The following IFI44L variants were observed in gnomAD, a reference collection of about 807,000 sequenced individuals.
The protein encoded by IFI44L is interferon-induced protein 44-like.
IFI44L carries 40 observed loss-of-function variants against 39.3 expected under a neutral mutation model. The observed-to-expected ratio is 1.02, with a 90% CI of 0.79 to 1.33. The LOEUF is 1.33. Among genes scored for constraint, IFI44L ranks in the 40% most tolerant of loss-of-function variants. The pLI is 0.00. For missense variants in IFI44L, 623 were observed against 549.0 expected, an observed-to-expected ratio of 1.13 and a Z score of -1.35; for synonymous variants, 198 against 182.3, an observed-to-expected ratio of 1.09 and a Z score of -0.69.
intron 1 of IFI44L, chr1:78,625,686 C>T (rs1478241301): frequency 6.6e-6 from 1 of 151,816 alleles, no homozygotes; most frequent in African/African-American, 2.4e-5. Flanking sequence ...TTTCTACTTA[C>T]TTTGAGTTTA....
At position 78,629,825 on chromosome 1, in the gene IFI44L, C is replaced by A. The variant is rs752057602; in HGVS notation, c.633C>A (p.Ser211=). Residue 211 remains serine (S), a synonymous_variant, in exon 4 of 9, where the codon TCC becomes TCA. Transcript: ENST00000370751. ...TGGGTCCAGTTGGGTCTGGAAAGTC[C>A]AGTTTTTTCAATTCAGTCAAGTCTA... is the stretch of plus-strand genomic sequence containing the variant. ...LLVGPVGSGK[S]SFFNSVKSIF... The A allele has an allele frequency of 6.2e-7, 1 of 1,613,712 alleles. No homozygotes were observed. Among genetic ancestry groups the A allele is most frequent in the Non-Finnish European group, 8.5e-7 (1 of 1,179,826 alleles).
intron 4 of IFI44L, 192 bp downstream of exon 4, chr1:78,630,107 T>C: frequency 3.4e-6 from 2 of 579,826 alleles, no homozygotes; most frequent in Non-Finnish European, 6.2e-6. Context: ...ATTTTATGGA[T>C]GGAAGAAGCA....
chr1:78,628,581 G>C, intron 2 of IFI44L, 188 bp downstream of exon 2: 2 of 563,866 alleles, frequency 3.5e-6, no homozygotes, highest in South Asian at 4.9e-5. Flanking sequence ...AGAACGTATA[G>C]GCTGCTTTGA....
chr1:78,641,119 C>A lies in IFI44L; in HGVS notation c.1147C>A (p.Arg383=). Residue 383 remains arginine, a splice_region_variant and synonymous_variant, in exon 7 of 9, where the codon CGG becomes AGG. Transcript: ENST00000370751. ...GAGTAGATCTATGACTTCTCAAAGC[C>A]GGGTAAAAAATGCTGATCATAACCA... ...NMSRSMTSQS[R]VMNVHKMLGI... 6.2e-7 allele frequency: 1 copy of A among 1,601,426 alleles called. No individual in the cohort carries two copies. Among genetic ancestry groups the A allele is most frequent in the Admixed American group, 1.7e-5 (1 of 59,890 alleles).
intron 6 of IFI44L, among the ~76,000 whole-genome samples, chr1:78,638,551 A>G (rs1653036435): frequency 6.6e-6 from 1 of 151,962 alleles, no homozygotes; most frequent in Admixed American, 6.6e-5. Context: ...CTATTGTTAT[A>G]TCTTTGAATT....
At chr1:78,636,820 C>T in intron 5 of IFI44L, 2 of 449,870 alleles carry the variant, frequency 4.4e-6, no homozygotes, top group Non-Finnish European at 7.8e-6. Context: ...TTTACCAAAG[C>T]AATAAAGTGT....
At position 78,644,549 on chromosome 1, in the gene IFI44L, C is replaced by A. The variant is rs1463291396; in HGVS notation, c.*2740C>A. On this transcript the variant is annotated 3_prime_UTR_variant, in exon 9 of 9. Transcript: ENST00000370751. ...GGAGGCCTCAAAAAGGGGGAAACAT[C>A]TTTTGTCTGGGAGGATATTTTCCAT... 1 of 152,116 alleles carries A rather than the reference C, an allele frequency of 6.6e-6. No homozygotes were observed. The highest frequency in any genetic ancestry group is 1.5e-5 in the Non-Finnish European group (1 of 68,006). 9.4% of individuals were successfully genotyped at this position (152,116 alleles called of 1,614,324 possible).
chr1:78,631,827 T>G (rs938089887), intron 4 of IFI44L, among the ~76,000 whole-genome samples: 4 of 152,130 alleles, frequency 2.6e-5, no homozygotes, highest in Admixed American at 2.6e-4. Context: ...ACACTTGAAT[T>G]AATTACACAA....
chr1:78,633,889 T>C (rs2100495469), intron 4 of IFI44L, among the ~76,000 whole-genome samples: 1 of 151,936 alleles, frequency 6.6e-6, no homozygotes, highest in South Asian at 2.1e-4. Context: ...TTGTAATAAT[T>C]ATAAAAAAGA....
Position 78,645,675 on chromosome 1 carries a change from A to G in IFI44L, c.*3866A>G, listed in dbSNP as rs1647038078. The G allele has an allele frequency of 6.6e-6, 1 of 152,218 alleles. No individual in the cohort carries two copies. Among genetic ancestry groups the G allele is most frequent in the Admixed American group, 6.5e-5 (1 of 15,280 alleles). 9.4% of individuals were successfully genotyped at this position (152,218 alleles called of 1,614,324 possible). A position where few individuals can be genotyped will look rare whatever the true frequency, so the allele number is the denominator to read the frequency against. The stretch of plus-strand genomic sequence containing the variant: ...CAACCAAAAGCCATGGGAATTTGGA[A>G]GCCCTCAAATCCCATTCCTAATCTG... On this transcript the variant is annotated 3_prime_UTR_variant, in exon 9 of 9. Transcript: ENST00000370751.
intron 6 of IFI44L, among the ~76,000 whole-genome samples, chr1:78,640,161 G>A (rs1041653489): frequency 6.6e-6 from 1 of 152,094 alleles, no homozygotes; most frequent in Non-Finnish European, 1.5e-5. Flanking sequence ...AGGATGTATG[G>A]CAACACATTG....
intron 1 of IFI44L, among the ~76,000 whole-genome samples, chr1:78,621,171 T>C (rs904538502): frequency 6.6e-6 from 1 of 152,266 alleles, no homozygotes; most frequent in African/African-American, 2.4e-5. Flanking sequence ...TATAGTTTTA[T>C]CCAATTTTAA....
rs1300521084 is a variant in IFI44L, at chr1:78,641,939, T to C, written c.*130T>C. The C allele has an allele frequency of 5.7e-6, 6 of 1,049,490 alleles. No homozygotes were observed. Among genetic ancestry groups the C allele is most frequent in the Non-Finnish European group, 8.9e-6 (6 of 670,518 alleles). The allele number at this position is 1,049,490 out of a possible 1,614,324, so 65.0% of individuals were successfully genotyped here. A position where few individuals can be genotyped will look rare whatever the true frequency, so the allele number is the denominator to read the frequency against. On this transcript the variant is annotated 3_prime_UTR_variant, in exon 9 of 9. Coordinates refer to ENST00000370751, the MANE Select transcript of IFI44L (RefSeq NM_006820.4). ...TTGCCTTCTGTCCTTGGAACAGTCA[T>C]ATCTCAAGTTCAAAGGCCAAAACCT...
intron 4 of IFI44L, among the ~76,000 whole-genome samples, chr1:78,632,672 T>G (rs1652797369): frequency 6.6e-6 from 1 of 152,180 alleles, no homozygotes; most frequent in Non-Finnish European, 1.5e-5. Flanking sequence ...AGCTATACAG[T>G]GAAATATTAC....
In IFI44L at chr1:78,642,085, A is replaced by G. The variant is rs200764635; in HGVS notation, c.*276A>G. On this transcript the variant is annotated 3_prime_UTR_variant, in exon 9 of 9. Coordinates refer to ENST00000370751, the MANE Select transcript of IFI44L (RefSeq NM_006820.4). ...CTGGAGGAAAAATGAGATATTCTCT[A>G]ATTTATTCTTCTATAACACTCTATA... 1 of 504,414 alleles carries G rather than the reference A, an allele frequency of 2.0e-6. No homozygotes were observed. Among genetic ancestry groups the G allele is most frequent in the Non-Finnish European group, 3.5e-6 (1 of 287,710 alleles). The allele number at this position is 504,414 out of a possible 1,614,324, so 31.2% of individuals were successfully genotyped here. A position where few individuals can be genotyped will look rare whatever the true frequency, so the allele number is the denominator to read the frequency against.
chr1:78,624,942 G>A (rs374442971), intron 1 of IFI44L, among the ~76,000 whole-genome samples: 1 of 152,080 alleles, frequency 6.6e-6, no homozygotes, highest in African/African-American at 2.4e-5. Flanking sequence ...ATTTGCAAAG[G>A]TACCCTTATT....
At chr1:78,630,681 A>G (rs1304795677) in intron 4 of IFI44L, among the ~76,000 whole-genome samples, 2 of 152,186 alleles carry the variant, frequency 1.3e-5, no homozygotes, top group Non-Finnish European at 2.9e-5. Context: ...AAAATTTAGC[A>G]TAAGACAGCA....
rs1211142974 is a variant in IFI44L, at chr1:78,628,082, T to C, written c.167T>C (p.Ile56Thr). 6.2e-7 allele frequency: 1 copy of C among 1,613,202 alleles called. No individual in the cohort carries two copies. Among genetic ancestry groups the C allele is most frequent in the East Asian group, 2.2e-5 (1 of 44,756 alleles). ...GGATGTACTATAACAATGGCTTACA[T>C]TGATTACAATATGATTGTAGCCTTT... ...RQGCTITMAY[I>T]DYNMIVAFML... Residue 56 changes from isoleucine to threonine, a missense_variant, in exon 2 of 9, where the codon ATT (isoleucine) becomes ACT (threonine). By Grantham distance (89) the Ile-to-Thr change is moderately conservative (BLOSUM62 -1). Transcript: ENST00000370751.
intron 4 of IFI44L, 141 bp downstream of exon 4, chr1:78,630,056 A>G (rs1347479697): frequency 6.4e-6 from 5 of 786,396 alleles, no homozygotes; most frequent in Non-Finnish European, 1.1e-5. Context: ...TTTTGATCAG[A>G]ACCACCTCCA....
Sources: gnomAD v4.1 joint callset for allele counts (sites outside exome capture counted in the v4.1 genomes callset) on GRCh38, gnomAD v4.1.1 for gene constraint, MANE v1.5 for transcripts, NCBI Gene and HGNC (gene_info 2026-07-23, HGNC 2026-07-21) for gene names.